The following KIF5C variants were observed in gnomAD, a reference collection of about 807,000 sequenced individuals.
KIF5C encodes kinesin family member 5C.
In KIF5C, 18 loss-of-function variants were observed where a neutral mutation model predicts 125.2. The observed-to-expected ratio is 0.14, with a 90% CI of 0.10 to 0.21. The LOEUF (loss-of-function observed/expected upper bound fraction) is 0.21, where lower values mean the gene tolerates loss of function less well. Ranked by LOEUF, KIF5C falls within the 10% of genes least tolerant of loss-of-function variation. The pLI is 1.00. For missense variants in KIF5C, 780 were observed against 1,183.8 expected (o/e 0.66, Z 5.01); for synonymous variants, 405 against 434.0 (o/e 0.93, Z 0.83).
intron 15 of KIF5C, 77 bp from the exon 16 acceptor site, chr2:148,990,933 A>G (rs1003013648): frequency 6.7e-7 from 1 of 1,498,678 alleles, no homozygotes; most frequent in Non-Finnish European, 8.9e-7. Context: ...TTGGGGATCC[A>G]GGGGCAGGTT....
intron 1 of KIF5C, among the ~76,000 whole-genome samples, chr2:148,908,913 T>A (rs1357976645): frequency 6.6e-6 from 1 of 152,236 alleles, no homozygotes; most frequent in Admixed American, 6.5e-5. Context: ...TGATGTTATC[T>A]ACATGATGAG....
intron 1 of KIF5C, among the ~76,000 whole-genome samples, chr2:148,905,274 G>A (rs542308050): frequency 8.5e-5 from 13 of 152,212 alleles, no homozygotes; most frequent in African/African-American, 3.1e-4. Flanking sequence ...CCCTGAGTTA[G>A]GACACATTGG....
rs1279855265 is a variant in KIF5C at position 148,875,646 on chromosome 2, A to C, written c.29A>C (p.Lys10Thr). The change falls in exon 1 of 26, where the codon AAA becomes ACA. Residue 10 changes from lysine (K) to threonine (T), a missense_variant. Around this residue, in one of 2 missense-constraint regions of KIF5C, gnomAD observed 207 missense variants for 441.2 expected, o/e 0.47. Coordinates refer to ENST00000435030, the MANE Select transcript of KIF5C (RefSeq NM_004522.3). ...GCGGATCCAGCCGAATGCAGCATCA[A>C]AGTGATGTGCCGGTTCCGGCCCCTC... MADPAECSI[K>T]VMCRFRPLNE... is the part of the protein sequence containing the mutation. 2 of 1,563,446 alleles carry C rather than the reference A, an allele frequency of 1.3e-6. No homozygotes were observed. Among genetic ancestry groups the C allele is most frequent in the Non-Finnish European group, 1.7e-6 (2 of 1,154,364 alleles).
At chr2:148,938,772 T>A (rs1682344613) in intron 4 of KIF5C, among the ~76,000 whole-genome samples, 1 of 152,012 alleles carries the variant, frequency 6.6e-6, no homozygotes, top group Non-Finnish European at 1.5e-5. Context: ...TGTTCAGAGA[T>A]GAGGAAACGG....
chr2:148,989,026 C>G (rs892932640), intron 15 of KIF5C, among the ~76,000 whole-genome samples: 1 of 152,086 alleles, frequency 6.6e-6, no homozygotes, highest in Non-Finnish European at 1.5e-5. Flanking sequence ...TGGATAAGTT[C>G]TTTAGTGGTG....
intron 10 of KIF5C, among the ~76,000 whole-genome samples, chr2:148,952,327 G>A (rs545072776): frequency 6.6e-6 from 1 of 152,156 alleles, no homozygotes; most frequent in Non-Finnish European, 1.5e-5. Context: ...CAGAGTCACC[G>A]TGGGGCATTG....
At chr2:148,939,083 A>C (rs1384614707) in intron 4 of KIF5C, among the ~76,000 whole-genome samples, 1 of 138,942 alleles carries the variant, frequency 7.2e-6, no homozygotes, top group Non-Finnish European at 1.5e-5. Flanking sequence ...CGACAGAGAG[A>C]GATTCTGTCT....
intron 23 of KIF5C, 90 bp from the exon 24 acceptor site, chr2:149,010,045 G>A (rs1473298582): frequency 6.8e-7 from 1 of 1,460,760 alleles, no homozygotes; most frequent in African/African-American, 1.4e-5. Context: ...GGGGCCACCT[G>A]TTCAGCAGCA....
chr2:148,975,032 TGA>T (rs1681024628), intron 12 of KIF5C, among the ~76,000 whole-genome samples: 1 of 152,244 alleles, frequency 6.6e-6, no homozygotes, highest in Admixed American at 6.5e-5. Flanking sequence ...AGAGCTGGCT[TGA>T]GAGTCTCCGT....
intron 11 of KIF5C, 66 bp downstream of exon 11, chr2:148,962,185 A>G (rs1682943468): frequency 6.7e-7 from 1 of 1,489,852 alleles, no homozygotes; most frequent in Non-Finnish European, 8.9e-7. Context: ...ATTTTTTTTG[A>G]GACAGAGTCT....
At position 148,969,135 on chromosome 2, in the gene KIF5C, TA is replaced by T. The variant is rs928035063; in HGVS notation, c.1118-4192del. Among the ~76,000 whole-genome samples the T allele has an allele frequency of 1.8e-4, 27 of 151,658 alleles. No homozygotes were observed. The East Asian group carries it at 2.7e-3, about 15-fold the overall frequency. On this transcript the variant is annotated intron_variant, in intron 11 of 25. Coordinates refer to ENST00000435030, the MANE Select transcript of KIF5C (RefSeq NM_004522.3). ...TGGCAGTCTAATGGTTTTCTTTCTT[TA>T]AAAAAAAACCCAAAAACCTATTTTA...
At chr2:148,976,071 G>A (rs1681056796) in intron 12 of KIF5C, among the ~76,000 whole-genome samples, 1 of 152,100 alleles carries the variant, frequency 6.6e-6, no homozygotes, top group Admixed American at 6.5e-5. Context: ...CTACAGTACT[G>A]CTCTGCTCTT....
intron 5 of KIF5C, 74 bp downstream of exon 5, chr2:148,941,732 C>T: frequency 6.6e-7 from 1 of 1,520,648 alleles, no homozygotes; most frequent in African/African-American, 1.4e-5. Context: ...GTTTATCACA[C>T]TTCTGCTTAA....
chr2:148,933,409 A>T lies in KIF5C; in HGVS notation c.292-3875A>T, dbSNP rs980545766. Among the ~76,000 whole-genome samples, 301 of 151,622 alleles carry T rather than the reference A, an allele frequency of 2.0e-3. 2 individuals carry two copies. Among genetic ancestry groups the T allele is most frequent in the African/African-American group, 7.1e-3 (294 of 41,266 alleles). On this transcript the variant is annotated intron_variant, in intron 3 of 25. Transcript: ENST00000435030. ...AGTGAAGACCTCTAAGGAGCACCTC[A>T]CTCTCATACACACACAGAAACAGCA...
intron 1 of KIF5C, among the ~76,000 whole-genome samples, chr2:148,907,327 C>G (rs1465509392): frequency 6.6e-6 from 1 of 152,138 alleles, no homozygotes; most frequent in Non-Finnish European, 1.5e-5. Flanking sequence ...GAAGGACAGC[C>G]TGCAGTTACT....
chr2:149,007,889 T>C lies in KIF5C; in HGVS notation c.2446-74T>C, dbSNP rs117301696. On this transcript the variant is annotated intron_variant, in intron 22 of 25. Coordinates refer to ENST00000435030, the MANE Select transcript of KIF5C (RefSeq NM_004522.3). ...TTGGTGGGAATGGGGATTTTTTTTTTCCATCCACATTATCCTGGGGCGGAG... is the reference window on the plus strand; with the variant it reads ...TTGGTGGGAATGGGGATTTTTTTTTCCCATCCACATTATCCTGGGGCGGAG... 6.4e-3 allele frequency: 8,110 copies of C among 1,258,768 alleles called. 74 individuals carry two copies. In the Middle Eastern group the frequency reaches 0.066, roughly 10 times the overall value. 78.0% of individuals were successfully genotyped at this position (1,258,768 alleles called of 1,614,324 possible).
intron 10 of KIF5C, among the ~76,000 whole-genome samples, chr2:148,959,451 A>C (rs1260838868): frequency 6.6e-6 from 1 of 151,644 alleles, no homozygotes; most frequent in East Asian, 1.9e-4. Context: ...GAAGGTGGGG[A>C]TTACTTTAAT....
intron 23 of KIF5C, among the ~76,000 whole-genome samples, chr2:149,008,991 GTTT>G (rs200099380): frequency 0.012 from 1,663 of 134,330 alleles, 21 homozygotes; most frequent in African/African-American, 0.041. Context: ...TTTTTTTAAT[GTTT>G]TTTTTTTTTT....
intron 23 of KIF5C, among the ~76,000 whole-genome samples, chr2:149,009,642 T>C (rs1682122972): frequency 6.6e-6 from 1 of 152,194 alleles, no homozygotes; most frequent in Admixed American, 6.5e-5. Context: ...AGCCTCTGGA[T>C]GTGTTGCAAA....
Sources: gnomAD v4.1 joint callset for allele counts (sites outside exome capture counted in the v4.1 genomes callset) on GRCh38, gnomAD v4.1.1 for gene constraint, gnomAD v4.1.1 regional missense constraint, MANE v1.5 for transcripts, NCBI Gene and HGNC (gene_info 2026-07-23, HGNC 2026-07-21) for gene names.